The following RBFOX1 variants were observed in gnomAD, a reference collection of about 807,000 sequenced individuals.
RBFOX1 encodes the protein RNA binding protein fox-1 homolog 1.
A neutral mutation model predicts 57.7 loss-of-function variants in RBFOX1; 8 were observed. The observed-to-expected ratio is 0.14, with a 90% CI of 0.08 to 0.25. The LOEUF (loss-of-function observed/expected upper bound fraction) is 0.25. Ranked by LOEUF, RBFOX1 falls within the 10% of genes least tolerant of loss-of-function variation. The probability of loss-of-function intolerance (pLI) is 1.00; values close to 1 mark genes in which losing one functional copy is unlikely to be tolerated. For missense variants in RBFOX1, 611 were observed against 548.5 expected (o/e 1.11, Z -1.14); for synonymous variants, 326 against 222.4 (o/e 1.47, Z -4.15).
intron 2 of RBFOX1, among the ~76,000 whole-genome samples, chr16:5,544,046 C>A (rs1316525647): frequency 6.6e-6 from 1 of 152,188 alleles, no homozygotes; most frequent in East Asian, 1.9e-4. Flanking sequence ...ATGACCTGAA[C>A]AATGTCACCA....
intron 5 of RBFOX1, among the ~76,000 whole-genome samples, chr16:7,522,680 G>T (rs951288004): frequency 1.3e-5 from 2 of 152,142 alleles, no homozygotes; most frequent in Non-Finnish European, 2.9e-5. Context: ...TGCCAACAAG[G>T]TCCCTACGTG....
At chr16:7,086,943 G>T (rs1266122759) in intron 4 of RBFOX1, among the ~76,000 whole-genome samples, 1 of 152,150 alleles carries the variant, frequency 6.6e-6, no homozygotes, top group African/African-American at 2.4e-5. Flanking sequence ...CCCTTTTCCC[G>T]GTCCACACCC....
At chr16:5,766,349 A>C (rs770266335) in intron 3 of RBFOX1, among the ~76,000 whole-genome samples, 5 of 152,048 alleles carry the variant, frequency 3.3e-5, no homozygotes, top group Non-Finnish European at 7.4e-5. Flanking sequence ...CGCTTTGGGT[A>C]GCTGAGGTGG....
intron 1 of RBFOX1, among the ~76,000 whole-genome samples, chr16:5,259,102 G>C (rs1190708909): frequency 1.3e-5 from 2 of 152,058 alleles, no homozygotes; most frequent in Admixed American, 6.6e-5. Flanking sequence ...ATCCTTGCAG[G>C]TTATTGTAAG....
At chr16:7,208,879 C>A (rs2141905) in intron 4 of RBFOX1, among the ~76,000 whole-genome samples, 33,460 of 151,958 alleles carry the variant, frequency 0.22, 4,376 homozygotes, top group East Asian at 0.36. Flanking sequence ...ACCAGTTCTC[C>A]TAAGGACTAA....
intron 1 of RBFOX1, among the ~76,000 whole-genome samples, chr16:5,345,955 C>G (rs887774765): frequency 3.3e-5 from 5 of 152,208 alleles, no homozygotes; most frequent in African/African-American, 4.8e-5. Flanking sequence ...CCCTAGGAAT[C>G]TACCAGGGAA....
chr16:5,431,806 C>G lies in RBFOX1; in HGVS notation c.220-35410C>G, dbSNP rs77864151. Among the ~76,000 whole-genome samples the G allele has an allele frequency of 9.4e-3, 1,427 of 152,328 alleles. 20 individuals are homozygous for G. Among genetic ancestry groups the G allele is most frequent in the African/African-American group, 0.033 (1,378 of 41,578 alleles). ...TGCAGGAAGCCTGGCCTCTAAGTCC[C>G]TCACAACACCCAGTGCTGTTTGTCC... On this transcript the variant is annotated intron_variant, in intron 1 of 2. Transcript: ENST00000585867.
intron 1 of RBFOX1, among the ~76,000 whole-genome samples, chr16:6,065,562 G>T (rs12924165): frequency 3.3e-5 from 5 of 152,244 alleles, no homozygotes; most frequent in Admixed American, 1.3e-4. Flanking sequence ...AACCTGCTCA[G>T]AAATCACTGG....
At chr16:6,601,325 G>A (rs1322957173) in intron 2 of RBFOX1, among the ~76,000 whole-genome samples, 1 of 152,116 alleles carries the variant, frequency 6.6e-6, no homozygotes, top group Non-Finnish European at 1.5e-5. Flanking sequence ...CCTCTCTCAT[G>A]AACTTTCATT....
In RBFOX1 at chr16:6,972,859, C is replaced by A. The variant is rs553450903; in HGVS notation, c.-15-79198C>A. Among the ~76,000 whole-genome samples, 10 of 152,230 alleles carry A rather than the reference C, an allele frequency of 6.6e-5. No homozygotes were observed. In the East Asian group the frequency reaches 1.9e-3, roughly 29 times the overall value. On this transcript the variant is annotated intron_variant, in intron 3 of 15. Coordinates refer to ENST00000550418, the MANE Select transcript of RBFOX1 (RefSeq NM_018723.4). ...AGACAAGGGGCCGGATGCAGTGGTT[C>A]ATGCCTGTTATCACAACACTTTGGG...
chr16:7,532,610 C>A (rs931808123), intron 5 of RBFOX1, among the ~76,000 whole-genome samples: 3 of 152,200 alleles, frequency 2.0e-5, no homozygotes, highest in African/African-American at 7.2e-5. Context: ...CCTTTTCTCT[C>A]TTCTCTCCAG....
intron 4 of RBFOX1, among the ~76,000 whole-genome samples, chr16:5,884,650 A>G (rs9933288): frequency 2.0e-5 from 3 of 151,792 alleles, no homozygotes; most frequent in Non-Finnish European, 2.9e-5. Flanking sequence ...CTCTCATTCC[A>G]TGTTGGAGTC....
At chr16:7,564,805 TC>T (rs1242751537) in intron 5 of RBFOX1, among the ~76,000 whole-genome samples, 2 of 148,164 alleles carry the variant, frequency 1.3e-5, no homozygotes, top group African/African-American at 2.5e-5. Context: ...CCTATTTTTT[TC>T]CCAAGGAATA....
At chr16:6,382,084 T>A (rs1463815657) in intron 2 of RBFOX1, among the ~76,000 whole-genome samples, 1 of 152,242 alleles carries the variant, frequency 6.6e-6, no homozygotes, top group Non-Finnish European at 1.5e-5. Context: ...TGTAAACAGA[T>A]GGGTGTGGCT....
chr16:5,379,403 G>T (rs1408269212), intron 1 of RBFOX1, among the ~76,000 whole-genome samples: 1 of 149,070 alleles, frequency 6.7e-6, no homozygotes, highest in East Asian at 1.9e-4. Context: ...TTACACTTGG[G>T]CCATTCCTAC....
chr16:7,242,018 T>C lies in RBFOX1; in HGVS notation c.27+189920T>C, dbSNP rs2094090320. ...ACTTTGGATTGGTAATCCCTTTTTT[T>C]GTGCAGTGTCCCTGACCACTAGATG... On this transcript the variant is annotated intron_variant, in intron 4 of 15. Transcript: ENST00000550418. Among the ~76,000 whole-genome samples, 3 of 152,172 alleles carry C rather than the reference T, an allele frequency of 2.0e-5. No individual in the cohort carries two copies. In the South Asian group the frequency reaches 6.2e-4, roughly 32 times the overall value.
intron 2 of RBFOX1, among the ~76,000 whole-genome samples, chr16:5,543,045 A>G (rs1280757657): frequency 6.6e-6 from 1 of 152,220 alleles, no homozygotes; most frequent in African/African-American, 2.4e-5. Context: ...GGAGTGGGGA[A>G]TAATTAATCA....
At chr16:5,860,549 G>C (rs951263319) in intron 3 of RBFOX1, among the ~76,000 whole-genome samples, 3 of 152,182 alleles carry the variant, frequency 2.0e-5, no homozygotes, top group African/African-American at 7.2e-5. Flanking sequence ...GGGGAATGCA[G>C]TGTTTCCTGT....
intron 3 of RBFOX1, among the ~76,000 whole-genome samples, chr16:5,704,828 G>A (rs1269049257): frequency 6.6e-6 from 1 of 152,152 alleles, no homozygotes; most frequent in East Asian, 1.9e-4. Flanking sequence ...GACCCCCTTT[G>A]AGTTGTTAGG....
Sources: allele counts gnomAD v4.1 joint callset (sites outside exome capture counted in the v4.1 genomes callset), GRCh38; gene constraint gnomAD v4.1.1; transcripts MANE v1.5; gene names NCBI Gene and HGNC (gene_info 2026-07-23, HGNC 2026-07-21).